The following TBC1D5 variants were observed in gnomAD, a reference collection of about 807,000 sequenced individuals.
TBC1D5 encodes TBC1 domain family member 5.
A neutral mutation model predicts 100.3 loss-of-function variants in TBC1D5; 75 were observed. The ratio of observed to expected loss-of-function variants is 0.75; its 90% CI spans 0.62 to 0.91. The LOEUF is 0.91. Among genes scored for constraint, TBC1D5 ranks in the 40% least tolerant of loss-of-function variants. The probability of loss-of-function intolerance (pLI) is 0.00; values close to 1 mark genes in which losing one functional copy is unlikely to be tolerated. For missense variants in TBC1D5, 910 were observed against 942.4 expected, an observed-to-expected ratio of 0.97 and a Z score of 0.45; for synonymous variants, 323 against 325.6, an observed-to-expected ratio of 0.99 and a Z score of 0.09.
chr3:17,512,723 C>T lies in TBC1D5; in HGVS notation c.-35-4118G>A, dbSNP rs542247747. 1.1e-4 allele frequency among the ~76,000 whole-genome samples: 17 copies of T among 152,300 alleles called. No individual in the cohort carries two copies. The East Asian group carries it at 1.9e-3, about 17-fold the overall frequency. ...TTACACTTACTGTAAATAACAATTT[C>T]TCCTATTCACATGAGTTTAAAATTC... On this transcript the variant is annotated intron_variant, in intron 2 of 21. Transcript: ENST00000253692.
At position 17,736,140 on chromosome 3, in the gene TBC1D5, A is replaced by G. The variant is rs547158939; in HGVS notation, c.-101+3203T>C. Among the ~76,000 whole-genome samples the G allele has an allele frequency of 1.1e-3, 168 of 152,196 alleles. 1 individual carries two copies. The highest frequency in any genetic ancestry group is 2.1e-3 in the Non-Finnish European group (144 of 68,040). On this transcript the variant is annotated intron_variant, in intron 1 of 21. Coordinates refer to ENST00000253692, the Ensembl canonical transcript of TBC1D5. Reference sequence around the variant, plus strand: ...AAGCCCTGTGTTTAAAGGCAGATGCAGTCACCTTCCCCAGCTAGGCTTAAG... The same window carrying G: ...AAGCCCTGTGTTTAAAGGCAGATGCGGTCACCTTCCCCAGCTAGGCTTAAG...
intron 18 of TBC1D5, among the ~76,000 whole-genome samples, chr3:17,200,027 A>C (rs1280804457): frequency 6.6e-6 from 1 of 151,278 alleles, no homozygotes; most frequent in Non-Finnish European, 1.5e-5. Context: ...TAGAGAGGGG[A>C]AAGGAGGGAG....
intron 12 of TBC1D5, among the ~76,000 whole-genome samples, chr3:17,373,768 T>C (rs1277255498): frequency 6.6e-6 from 1 of 152,120 alleles, no homozygotes; most frequent in Non-Finnish European, 1.5e-5. Flanking sequence ...GTGTATTATA[T>C]GATTCCACTT....
intron 2 of TBC1D5, among the ~76,000 whole-genome samples, chr3:17,600,626 G>A (rs1379482997): frequency 6.6e-6 from 1 of 152,102 alleles, no homozygotes; most frequent in Non-Finnish European, 1.5e-5. Context: ...TGAAATGAGA[G>A]GGAAATTATA....
intron 4 of TBC1D5, among the ~76,000 whole-genome samples, chr3:17,414,320 A>T (rs1409362032): frequency 1.3e-5 from 2 of 152,188 alleles, no homozygotes; most frequent in Non-Finnish European, 2.9e-5. Context: ...GTACATGCCA[A>T]TATTTTTAAA....
chr3:17,668,235 C>A (rs1222242581), intron 1 of TBC1D5, among the ~76,000 whole-genome samples: 2 of 149,658 alleles, frequency 1.3e-5, no homozygotes, highest in African/African-American at 4.9e-5. Flanking sequence ...TGTGTATGAG[C>A]TGAGAAAGGA....
chr3:17,325,255 A>G (rs960006283), intron 13 of TBC1D5, among the ~76,000 whole-genome samples: 6 of 142,880 alleles, frequency 4.2e-5, no homozygotes, highest in Non-Finnish European at 6.1e-5. Context: ...CAGAAACTGG[A>G]ATAGTACTCA....
chr3:17,343,236 T>C (rs1400805430), intron 13 of TBC1D5, among the ~76,000 whole-genome samples: 2 of 152,202 alleles, frequency 1.3e-5, no homozygotes, highest in African/African-American at 4.8e-5. Context: ...ATGTGGTTTT[T>C]GTCTTTGGTT....
chr3:17,508,732 A>T, intron 2 of TBC1D5, 127 bp from the exon 3 acceptor site: 2 of 436,722 alleles, frequency 4.6e-6, no homozygotes, highest in Admixed American at 6.8e-5. Flanking sequence ...GGCTCCAGGG[A>T]CTGTTATCTC....
At chr3:17,251,292 G>C (rs2077146781) in intron 16 of TBC1D5, among the ~76,000 whole-genome samples, 1 of 152,106 alleles carries the variant, frequency 6.6e-6, no homozygotes, top group Non-Finnish European at 1.5e-5. Context: ...CACCAGGCTT[G>C]GCTCTTTAGC....
chr3:17,219,126 T>C (rs2073996693), intron 17 of TBC1D5, among the ~76,000 whole-genome samples: 2 of 151,628 alleles, frequency 1.3e-5, no homozygotes, highest in Non-Finnish European at 1.5e-5. Context: ...TTGCTCTAAC[T>C]GGATAATTTC....
intron 2 of TBC1D5, among the ~76,000 whole-genome samples, chr3:17,600,220 ATGT>A (rs1415762641): frequency 7.6e-6 from 1 of 130,922 alleles, no homozygotes; most frequent in African/African-American, 3.8e-5. Context: ...ATAATATGTT[ATGT>A]TATGTTATGT....
At chr3:17,196,194 C>T (rs929862104) in intron 18 of TBC1D5, among the ~76,000 whole-genome samples, 3 of 152,182 alleles carry the variant, frequency 2.0e-5, no homozygotes, top group African/African-American at 7.2e-5. Flanking sequence ...TTGCAGATTA[C>T]GTAGGACACC....
chr3:17,214,118 T>A, intron 18 of TBC1D5, 89 bp downstream of exon 19: 1 of 1,359,482 alleles, frequency 7.4e-7, no homozygotes. Context: ...AAGAGCTTTA[T>A]AAAACTGGGC....
At chr3:17,497,441 T>G (rs1282128562) in intron 3 of TBC1D5, among the ~76,000 whole-genome samples, 2 of 152,232 alleles carry the variant, frequency 1.3e-5, no homozygotes. Context: ...TTTGTATAAA[T>G]GAATGAACAT....
At chr3:17,686,250 C>A (rs1170919902) in intron 1 of TBC1D5, among the ~76,000 whole-genome samples, 1 of 152,032 alleles carries the variant, frequency 6.6e-6, no homozygotes, top group Non-Finnish European at 1.5e-5. Flanking sequence ...CATAAAGGGT[C>A]AAAACACAAC....
At chr3:17,380,045 ATGTGTGTG>A (rs3041142) in intron 9 of TBC1D5, among the ~76,000 whole-genome samples, 2,109 of 112,458 alleles carry the variant, frequency 0.019, 23 homozygotes, top group East Asian at 0.042. Context: ...GTGACTGTGT[ATGTGTGTG>A]TGTGTGTGTG....
At chr3:17,303,833 C>CT (rs140988557) in intron 14 of TBC1D5, among the ~76,000 whole-genome samples, 2,727 of 84,408 alleles carry the variant, frequency 0.032, 437 homozygotes, top group African/African-American at 0.081. Context: ...CAATCTACCT[C>CT]TTTTTTTTTT....
Position 17,499,486 on chromosome 3 carries a change from T to C in TBC1D5, c.97+8988A>G, listed in dbSNP as rs538734524. Among the ~76,000 whole-genome samples, 26 of 139,686 alleles carry C rather than the reference T, an allele frequency of 1.9e-4. 1 individual carries two copies. Among genetic ancestry groups the C allele is most frequent in the African/African-American group, 7.9e-4 (26 of 32,894 alleles). 91.6% of individuals were successfully genotyped at this position (139,686 alleles called of 152,430 possible). A position where few individuals can be genotyped will look rare whatever the true frequency, so the allele number is the denominator to read the frequency against. ...ACTTTGGGAGGCCCATGTGGGCGGA[T>C]CACTTGAGACCAGCCTGGGCAACAT... On this transcript the variant is annotated intron_variant, in intron 3 of 21. Transcript: ENST00000253692.
Sources: allele counts gnomAD v4.1 joint callset (sites outside exome capture counted in the v4.1 genomes callset), GRCh38; gene constraint gnomAD v4.1.1; transcripts MANE v1.5; gene names NCBI Gene and HGNC (gene_info 2026-07-23, HGNC 2026-07-21).